PCDHGA7: variants seen among roughly 807,000 people sequenced by gnomAD.
PCDHGA7 encodes protocadherin gamma-A7.
A neutral mutation model predicts 58.3 loss-of-function variants in PCDHGA7; 44 were observed. That is an observed-to-expected ratio of 0.75 (90% CI 0.59 to 0.97). The LOEUF (loss-of-function observed/expected upper bound fraction) is 0.97, where lower values mean the gene tolerates loss of function less well. Ranked by LOEUF, PCDHGA7 falls within the 50% of genes least tolerant of loss-of-function variation. PCDHGA7 has a pLI of 0.00. For synonymous variants in PCDHGA7, 516 were observed against 504.2 expected, an observed-to-expected ratio of 1.02 and a Z score of -0.31; for missense variants, 1,266 against 1,188.7, an observed-to-expected ratio of 1.06 and a Z score of -0.96.
intron 1 of PCDHGA7, chr5:141,389,562 G>T (rs1561626191): frequency 1.2e-6 from 2 of 1,613,284 alleles, no homozygotes; most frequent in Non-Finnish European, 1.7e-6. Context: ...TGCGCCACGG[G>T]TGCTGTACCC....
intron 1 of PCDHGA7, chr5:141,389,674 G>T (rs763404625): frequency 1.2e-6 from 2 of 1,612,448 alleles, no homozygotes; most frequent in Admixed American, 3.3e-5. Flanking sequence ...GCAGACTCAG[G>T]ACACAACGCC....
Position 141,431,674 on chromosome 5 carries a change from G to T in PCDHGA7, c.2424+46351G>T. 6.2e-7 allele frequency: 1 copy of T among 1,614,234 alleles called. No homozygotes were observed. ...ATTCAGGGACAATATCAACAATAGG[G>T]GAGTTGGACCACGAGGAGTCAGGAT... is the stretch of plus-strand genomic sequence containing the variant. On this transcript the variant is annotated intron_variant, in intron 1 of 3. Transcript: ENST00000518325. This position sits in a 1 kb window ranked among gnomAD's most constrained non-coding sequence, Gnocchi z 4.8.
intron 1 of PCDHGA7, among the ~76,000 whole-genome samples, chr5:141,401,414 A>G (rs539285035): frequency 1.3e-5 from 2 of 152,350 alleles, no homozygotes; most frequent in African/African-American, 4.8e-5. Flanking sequence ...AGAGAAAGAG[A>G]GAGACTGATT....
Position 141,431,972 on chromosome 5 carries a change from G to T in PCDHGA7, c.2424+46649G>T, listed in dbSNP as rs750484866. On this transcript the variant is annotated intron_variant, in intron 1 of 3. Coordinates refer to ENST00000518325, the MANE Select transcript of PCDHGA7 (RefSeq NM_018920.4). The surrounding 1 kb of genome is among the most constrained non-coding windows in gnomAD (Gnocchi z 4.8). ...ATCTTACGGAAATTACTATAGTTTA[G>T]TCACAGACATAGTCTTGGATAGGGA... is the stretch of plus-strand genomic sequence containing the variant. The T allele has an allele frequency of 8.1e-6, 13 of 1,614,072 alleles. No homozygotes were observed. Among genetic ancestry groups the T allele is most frequent in the Non-Finnish European group, 1.1e-5 (13 of 1,180,028 alleles).
At chr5:141,408,974 G>T (rs899313364) in intron 1 of PCDHGA7, 1 of 1,613,690 alleles carries the variant, frequency 6.2e-7, no homozygotes, top group South Asian at 1.1e-5. Flanking sequence ...TCTGCCCCCT[G>T]GGTCCCCTGT....
chr5:141,455,093 T>C (rs2098812615), intron 1 of PCDHGA7, among the ~76,000 whole-genome samples: 1 of 152,060 alleles, frequency 6.6e-6, no homozygotes, highest in African/African-American at 2.4e-5. Context: ...ATTACAGGCT[T>C]GAGCCACTGC....
intron 1 of PCDHGA7, chr5:141,390,162 A>G: frequency 6.2e-7 from 1 of 1,614,024 alleles, no homozygotes; most frequent in African/African-American, 1.3e-5. Context: ...TACAGGAAAG[A>G]CGGAGTTTAA....
At chr5:141,423,470 A>C (rs904433654) in intron 1 of PCDHGA7, 54 of 1,613,884 alleles carry the variant, frequency 3.3e-5, no homozygotes, top group Non-Finnish European at 4.3e-5. Context: ...GACGGGGTAC[A>C]GGCTTTCCTG....
intron 1 of PCDHGA7, chr5:141,422,819 TGA>T (rs766395950): frequency 1.9e-5 from 31 of 1,614,068 alleles, no homozygotes; most frequent in Middle Eastern, 1.6e-4. Flanking sequence ...GACTTAGAAC[TGA>T]GAGTGATAGC....
Position 141,460,747 on chromosome 5 carries a change from G to A in PCDHGA7, c.2425-34060G>A, listed in dbSNP as rs148154304. On this transcript the variant is annotated intron_variant, in intron 1 of 3. Transcript: ENST00000518325. ...GCATATATACACATTGTATATATAT[G>A]TGTACATATACATATTGCATATGTA... Among the ~76,000 whole-genome samples, 351 of 151,000 alleles carry A rather than the reference G, an allele frequency of 2.3e-3. 2 individuals are homozygous for A. The highest frequency in any genetic ancestry group is 6.8e-3 in the Middle Eastern group (2 of 294).
intron 1 of PCDHGA7, chr5:141,423,869 T>A (rs1239422805): frequency 5.4e-6 from 7 of 1,285,484 alleles, no homozygotes; most frequent in Non-Finnish European, 6.9e-6. Flanking sequence ...TGAAAGTCAT[T>A]TTTCAATCTT....
At chr5:141,395,194 C>T (rs867640127) in intron 1 of PCDHGA7, 2 of 1,613,922 alleles carry the variant, frequency 1.2e-6, no homozygotes, top group Non-Finnish European at 1.7e-6. Context: ...TTGTTAACAT[C>T]CGTAGATTTT....
At chr5:141,418,946 G>A in intron 1 of PCDHGA7, 3 of 1,614,018 alleles carry the variant, frequency 1.9e-6, no homozygotes, top group South Asian at 1.1e-5. Flanking sequence ...TTCCCCTCCA[G>A]GAGTGGTTGT....
chr5:141,475,139 C>T (rs928313061), intron 1 of PCDHGA7, among the ~76,000 whole-genome samples: 2 of 151,928 alleles, frequency 1.3e-5, no homozygotes, highest in African/African-American at 4.8e-5. Flanking sequence ...TTTTTGAAAT[C>T]TTCTCCGTCT....
rs1330784633 is a variant in PCDHGA7 at position 141,476,330 on chromosome 5, G to A, written c.2425-18477G>A. On this transcript the variant is annotated intron_variant, in intron 1 of 3. Transcript: ENST00000518325. This position sits in a 1 kb window ranked among gnomAD's most constrained non-coding sequence, Gnocchi z 7.6. ...CCGCAGGTTCCGGGTGGTGTCTGGA[G>A]CTAGCCGAAGATTCTTTGAGGTGAA... The A allele has an allele frequency of 1.2e-6, 2 of 1,614,092 alleles. No homozygotes were observed. The highest frequency in any genetic ancestry group is 1.6e-4 in the Middle Eastern group (1 of 6,084).
At chr5:141,451,036 G>T (rs973806381) in intron 1 of PCDHGA7, among the ~76,000 whole-genome samples, 1 of 150,880 alleles carries the variant, frequency 6.6e-6, no homozygotes, top group Non-Finnish European at 1.5e-5. Flanking sequence ...CACCATATTG[G>T]CCAGGCTGGT....
intron 1 of PCDHGA7, among the ~76,000 whole-genome samples, chr5:141,482,053 C>G (rs2099551080): frequency 6.6e-6 from 1 of 150,558 alleles, no homozygotes; most frequent in Non-Finnish European, 1.5e-5. Flanking sequence ...CTGTTGCATT[C>G]CAGCCTGGGC....
At chr5:141,420,713 G>T (rs1406572601) in intron 1 of PCDHGA7, among the ~76,000 whole-genome samples, 1 of 152,078 alleles carries the variant, frequency 6.6e-6, no homozygotes, top group African/African-American at 2.4e-5. Flanking sequence ...CAGAAATGTC[G>T]TTCCTTTCAG....
chr5:141,389,560 G>T (rs1323439261), intron 1 of PCDHGA7: 5 of 1,613,224 alleles, frequency 3.1e-6, no homozygotes, highest in Non-Finnish European at 4.2e-6. Flanking sequence ...AATGCGCCAC[G>T]GGTGCTGTAC....
Sources: allele counts gnomAD v4.1 joint callset (sites outside exome capture counted in the v4.1 genomes callset), GRCh38; gene constraint gnomAD v4.1.1; non-coding constraint Gnocchi (gnomAD v3.1); transcripts MANE v1.5; gene names NCBI Gene and HGNC (gene_info 2026-07-23, HGNC 2026-07-21).